Variants in HECW1 observed in about 807,000 individuals in gnomAD.
HECW1 encodes E3 ubiquitin-protein ligase HECW1.
Under a neutral mutation model 182.3 loss-of-function variants are expected in HECW1, and 61 were observed. The observed-to-expected ratio is 0.33, with a 90% CI of 0.27 to 0.41. HECW1 has a LOEUF of 0.41. Among genes scored for constraint, HECW1 ranks in the 10% least tolerant of loss-of-function variants. HECW1 has a pLI of 1.00. For missense variants in HECW1, 1,739 were observed against 2,108.9 expected, an observed-to-expected ratio of 0.82 and a Z score of 3.44; for synonymous variants, 859 against 832.6, an observed-to-expected ratio of 1.03 and a Z score of -0.55.
rs1458357093 is a variant in HECW1, at chr7:43,444,879, C to T, written c.1707C>T (p.Ser569=). The change falls in exon 11 of 30, where the codon AGC becomes AGT. Residue 569 remains serine, a synonymous_variant. Transcript: ENST00000395891. The surrounding 1 kb of genome is among the most constrained non-coding windows in gnomAD (Gnocchi z 4.3). ...HYIRIHTLLH[S]MPSAQGGSAA... ...TCCGCATCCACACCCTGCTGCACAG[C>T]ATGCCCTCCGCCCAGGGCGGCAGCG... 2 of 1,608,620 alleles carry T rather than the reference C, an allele frequency of 1.2e-6. No individual in the cohort carries two copies. The highest frequency in any genetic ancestry group is 1.1e-5 in the South Asian group (1 of 90,572).
At chr7:43,200,911 G>A (rs774257980) in intron 2 of HECW1, among the ~76,000 whole-genome samples, 7 of 152,192 alleles carry the variant, frequency 4.6e-5, no homozygotes, top group African/African-American at 7.2e-5. Flanking sequence ...AAAGCGGCTC[G>A]ATGGAAGGAA....
At chr7:43,272,422 C>A (rs945682193) in intron 3 of HECW1, among the ~76,000 whole-genome samples, 1 of 151,928 alleles carries the variant, frequency 6.6e-6, no homozygotes, top group African/African-American at 2.4e-5. Context: ...AAAATATTTG[C>A]AAATTATGCA....
intron 3 of HECW1, among the ~76,000 whole-genome samples, chr7:43,294,975 C>T (rs1476070750): frequency 2.6e-5 from 4 of 151,846 alleles, no homozygotes; most frequent in Non-Finnish European, 5.9e-5. Flanking sequence ...TGATTCAGTC[C>T]GGAAAGCAGG....
intron 2 of HECW1, among the ~76,000 whole-genome samples, chr7:43,179,525 T>C (rs150624516): frequency 1.6e-3 from 248 of 151,784 alleles, no homozygotes; most frequent in African/African-American, 5.7e-3. Flanking sequence ...ATACCATTGG[T>C]TATTTGGGAG....
At chr7:43,554,867 C>T in intron 29 of HECW1, 77 bp downstream of exon 29, 2 of 1,339,440 alleles carry the variant, frequency 1.5e-6, no homozygotes, top group Non-Finnish European at 2.1e-6. Flanking sequence ...TTTTGAGTGA[C>T]CATCCTTTGG....
At chr7:43,257,030 A>G (rs1041851285) in intron 3 of HECW1, among the ~76,000 whole-genome samples, 12 of 152,248 alleles carry the variant, frequency 7.9e-5, no homozygotes, top group Non-Finnish European at 1.6e-4. Context: ...AGTTAGTGTC[A>G]CAATGATTGT....
At chr7:43,296,600 A>G (rs923454201) in intron 3 of HECW1, among the ~76,000 whole-genome samples, 2 of 152,198 alleles carry the variant, frequency 1.3e-5, no homozygotes, top group African/African-American at 4.8e-5. Flanking sequence ...TGTCCAAGGA[A>G]AATTTATCCA....
At chr7:43,148,831 G>T (rs1788987884) in intron 2 of HECW1, 1 of 151,732 alleles carries the variant, frequency 6.6e-6, no homozygotes, top group African/African-American at 2.4e-5. Flanking sequence ...TGATCTAGTA[G>T]GTCTGGGATA....
chr7:43,224,437 C>T (rs1009876414), intron 2 of HECW1, among the ~76,000 whole-genome samples: 2 of 152,150 alleles, frequency 1.3e-5, no homozygotes, highest in East Asian at 1.9e-4. Flanking sequence ...TAGCTGAGTT[C>T]GGGGATGTGG....
intron 17 of HECW1, among the ~76,000 whole-genome samples, chr7:43,483,360 C>T (rs887542880): frequency 6.6e-6 from 1 of 151,854 alleles, no homozygotes; most frequent in African/African-American, 2.4e-5. Context: ...GCCCCCAGTT[C>T]CCCAAGTCAT....
chr7:43,246,054 C>T (rs920571076), intron 3 of HECW1, among the ~76,000 whole-genome samples: 7 of 151,990 alleles, frequency 4.6e-5, no homozygotes, highest in Admixed American at 2.0e-4. Context: ...TGGAAATAAG[C>T]TCTGGAGGCT....
At chr7:43,275,054 G>A (rs1043110795) in intron 3 of HECW1, among the ~76,000 whole-genome samples, 2 of 152,088 alleles carry the variant, frequency 1.3e-5, no homozygotes, top group Non-Finnish European at 2.9e-5. Flanking sequence ...GAGTTATCAG[G>A]GTCCTCAGAG....
At chr7:43,285,503 A>C (rs1804525606) in intron 3 of HECW1, among the ~76,000 whole-genome samples, 1 of 152,182 alleles carries the variant, frequency 6.6e-6, no homozygotes, top group Non-Finnish European at 1.5e-5. Flanking sequence ...GTCGGGAATG[A>C]GCCCACCCAA....
chr7:43,273,117 A>G (rs1802619441), intron 3 of HECW1, among the ~76,000 whole-genome samples: 2 of 152,158 alleles, frequency 1.3e-5, no homozygotes, highest in Non-Finnish European at 2.9e-5. Context: ...GGAGCTAAAC[A>G]TTGGGTACTC....
At chr7:43,212,543 A>C (rs1352857981) in intron 2 of HECW1, among the ~76,000 whole-genome samples, 3 of 152,206 alleles carry the variant, frequency 2.0e-5, no homozygotes, top group African/African-American at 7.2e-5. Flanking sequence ...ATATGCACAC[A>C]ATTACAGAAG....
chr7:43,206,215 G>C (rs1030759325), intron 2 of HECW1, among the ~76,000 whole-genome samples: 1 of 152,194 alleles, frequency 6.6e-6, no homozygotes, highest in African/African-American at 2.4e-5. Context: ...TAAGGGTTCT[G>C]ATGGTGGAGT....
intron 24 of HECW1, among the ~76,000 whole-genome samples, chr7:43,538,964 T>C (rs931383296): frequency 6.6e-6 from 1 of 152,222 alleles, no homozygotes; most frequent in African/African-American, 2.4e-5. Flanking sequence ...GCTGGTTTAC[T>C]ACAAAGATTT....
intron 5 of HECW1, among the ~76,000 whole-genome samples, chr7:43,353,048 T>C: frequency 6.6e-6 from 1 of 152,108 alleles, no homozygotes; most frequent in East Asian, 1.9e-4. Flanking sequence ...TAAATAAAGA[T>C]TATAGTTGCA....
chr7:43,560,503 G>A (rs1397282662), intron 29 of HECW1, among the ~76,000 whole-genome samples: 3 of 152,108 alleles, frequency 2.0e-5, no homozygotes, highest in African/African-American at 2.4e-5. Flanking sequence ...AGGACTGCCA[G>A]GAGGAGGAAT....
Sources: allele counts gnomAD v4.1 joint callset (sites outside exome capture counted in the v4.1 genomes callset), GRCh38; gene constraint gnomAD v4.1.1; non-coding constraint Gnocchi (gnomAD v3.1); transcripts MANE v1.5; gene names NCBI Gene and HGNC (gene_info 2026-07-23, HGNC 2026-07-21).